Variants in CCNY observed in about 807,000 individuals in gnomAD.
The protein encoded by CCNY is cyclin-Y.
In CCNY, 19 loss-of-function variants were observed where a neutral mutation model predicts 42.8. The observed-to-expected ratio is 0.44, with a 90% CI of 0.31 to 0.65. The LOEUF (loss-of-function observed/expected upper bound fraction) is 0.65, where lower values mean the gene tolerates loss of function less well. Ranked by LOEUF, CCNY falls within the 30% of genes least tolerant of loss-of-function variation. The pLI is 0.07. For missense variants in CCNY, 370 were observed against 437.3 expected, an observed-to-expected ratio of 0.85 and a Z score of 1.37; for synonymous variants, 165 against 162.7, an observed-to-expected ratio of 1.01 and a Z score of -0.11.
chr10:35,409,397 G>T (rs1005687052), intron 1 of CCNY, among the ~76,000 whole-genome samples: 3 of 152,210 alleles, frequency 2.0e-5, no homozygotes, highest in East Asian at 3.8e-4. Context: ...TGTGGTGAGG[G>T]TGTGCTGCCA....
chr10:35,359,502 TA>T (rs1836634553), intron 1 of CCNY, among the ~76,000 whole-genome samples: 1 of 151,844 alleles, frequency 6.6e-6, no homozygotes, highest in East Asian at 1.9e-4. Context: ...TTATTATTAT[TA>T]TTATTATTAT....
At chr10:35,532,241 C>T (rs1280825929) in intron 7 of CCNY, among the ~76,000 whole-genome samples, 1 of 152,228 alleles carries the variant, frequency 6.6e-6, no homozygotes, top group East Asian at 1.9e-4. Context: ...TTCTTCCCTC[C>T]TCGTGTTCCC....
intron 1 of CCNY, among the ~76,000 whole-genome samples, chr10:35,350,693 TCTGTTGCA>T (rs1414489658): frequency 1.3e-5 from 2 of 152,234 alleles, no homozygotes; most frequent in African/African-American, 4.8e-5. Context: ...TTGTTGCATC[TCTGTTGCA>T]CTGTTGAGGA....
intron 1 of CCNY, among the ~76,000 whole-genome samples, chr10:35,413,919 C>T (rs1837967958): frequency 6.6e-6 from 1 of 152,140 alleles, no homozygotes; most frequent in African/African-American, 2.4e-5. Flanking sequence ...CGCTTTTGCC[C>T]CACTTCACAA....
chr10:35,344,910 A>G (rs1836266198), intron 1 of CCNY, among the ~76,000 whole-genome samples: 1 of 152,154 alleles, frequency 6.6e-6, no homozygotes, highest in Non-Finnish European at 1.5e-5. Context: ...TGAACTCATC[A>G]TTTTTTATGG....
chr10:35,550,312 C>A (rs960876313), intron 7 of CCNY, among the ~76,000 whole-genome samples: 1 of 152,126 alleles, frequency 6.6e-6, no homozygotes, highest in Admixed American at 6.5e-5. Context: ...CTGCTCATGG[C>A]CCATGACCCT....
chr10:35,261,961 C>A (rs1279077575), intron 3 of CCNY, among the ~76,000 whole-genome samples: 1 of 151,864 alleles, frequency 6.6e-6, no homozygotes, highest in African/African-American at 2.4e-5. Flanking sequence ...GTGGAGGTTG[C>A]AGTGAGCTGA....
intron 1 of CCNY, among the ~76,000 whole-genome samples, chr10:35,465,938 A>AGAGAGAGT: frequency 1.2e-3 from 100 of 81,020 alleles, no homozygotes; most frequent in African/African-American, 3.8e-3. Context: ...AGAGAGAGAG[A>AGAGAGAGT]GTGTGTGTGT....
intron 3 of CCNY, among the ~76,000 whole-genome samples, chr10:35,264,970 T>G (rs2095723767): frequency 6.6e-6 from 1 of 152,198 alleles, no homozygotes; most frequent in South Asian, 2.1e-4. Context: ...TTTTTGTTTT[T>G]TCTTGTAAAT....
chr10:35,565,682 G>T (rs538139298), intron 8 of CCNY, among the ~76,000 whole-genome samples: 1 of 152,326 alleles, frequency 6.6e-6, no homozygotes, highest in South Asian at 2.1e-4. Flanking sequence ...ACTCCACGTG[G>T]CAGCTCTTGG....
intron 2 of CCNY, among the ~76,000 whole-genome samples, chr10:35,490,406 C>G (rs1839872359): frequency 6.6e-6 from 1 of 152,222 alleles, no homozygotes; most frequent in Non-Finnish European, 1.5e-5. Flanking sequence ...ATTCACATAA[C>G]ATGTTAATGT....
At chr10:35,310,566 T>C (rs1835671416) in intron 3 of CCNY, among the ~76,000 whole-genome samples, 1 of 152,006 alleles carries the variant, frequency 6.6e-6, no homozygotes, top group Non-Finnish European at 1.5e-5. Flanking sequence ...CCAAGATTTG[T>C]TATTTTTTGT....
intron 1 of CCNY, among the ~76,000 whole-genome samples, chr10:35,471,038 A>G (rs1347905860): frequency 6.6e-6 from 1 of 152,148 alleles, no homozygotes; most frequent in Admixed American, 6.5e-5. Flanking sequence ...TTCGGAGGGT[A>G]ACTGTGGGGC....
At chr10:35,297,162 GA>G (rs1835480397) in intron 3 of CCNY, among the ~76,000 whole-genome samples, 1 of 149,300 alleles carries the variant, frequency 6.7e-6, no homozygotes, top group Non-Finnish European at 1.5e-5. Context: ...AATAAAAAAA[GA>G]AAAAATATAT....
intron 1 of CCNY, among the ~76,000 whole-genome samples, chr10:35,346,816 A>G (rs1295791942): frequency 6.6e-6 from 1 of 152,166 alleles, no homozygotes; most frequent in Non-Finnish European, 1.5e-5. Context: ...TTGTAGAGAC[A>G]GGGTTACGCC....
At chr10:35,458,373 A>G (rs1008340964) in intron 1 of CCNY, among the ~76,000 whole-genome samples, 1 of 152,374 alleles carries the variant, frequency 6.6e-6, no homozygotes, top group East Asian at 1.9e-4. Context: ...GTTCCAGCCC[A>G]TACAGAGTTT....
chr10:35,377,690 T>C (rs1022958570), intron 1 of CCNY, among the ~76,000 whole-genome samples: 5 of 152,238 alleles, frequency 3.3e-5, no homozygotes, highest in Non-Finnish European at 5.9e-5. Flanking sequence ...TGTCTGTAGA[T>C]ATCATATTAG....
chr10:35,354,843 C>T (rs994423488), intron 1 of CCNY, among the ~76,000 whole-genome samples: 2 of 146,816 alleles, frequency 1.4e-5, no homozygotes, highest in African/African-American at 2.5e-5. Flanking sequence ...GCAGCTTTCT[C>T]CTTCAGTATC....
intron 3 of CCNY, among the ~76,000 whole-genome samples, chr10:35,313,106 A>T (rs913960581): frequency 6.6e-6 from 1 of 152,008 alleles, no homozygotes; most frequent in Non-Finnish European, 1.5e-5. Context: ...TCAATTTCCT[A>T]GAGTCCAGGG....
Sources: allele counts gnomAD v4.1 joint callset (sites outside exome capture counted in the v4.1 genomes callset), GRCh38; gene constraint gnomAD v4.1.1; transcripts MANE v1.5; gene names NCBI Gene and HGNC (gene_info 2026-07-23, HGNC 2026-07-21).